TMEM272: variants seen among roughly 807,000 people sequenced by gnomAD.
TMEM272 encodes the protein transmembrane protein 272, also known as long intergenic non-protein coding RNA 282.
Under a neutral mutation model 3.7 loss-of-function variants are expected in TMEM272, and 8 were observed. That is an observed-to-expected ratio of 2.17 (90% CI 1.27 to 3.91). The LOEUF is 3.91. Ranked by LOEUF, TMEM272 falls within the 30% of genes most tolerant of loss-of-function variation. TMEM272 has a pLI of 0.00. For missense variants in TMEM272, 166 were observed against 91.5 expected, an observed-to-expected ratio of 1.81 and a Z score of -3.32; for synonymous variants, 63 against 39.8, an observed-to-expected ratio of 1.58 and a Z score of -2.20.
the TMEM272 span, among the ~76,000 whole-genome samples, chr13:51,928,081 C>A: frequency 0.033 from 5,009 of 152,146 alleles, 239 homozygotes; most frequent in African/African-American, 0.11. Flanking sequence ...CATGCAAAGA[C>A]CACCAAGAAC....
the TMEM272 span, among the ~76,000 whole-genome samples, chr13:51,861,146 A>G: frequency 6.6e-6 from 1 of 152,178 alleles, no homozygotes; most frequent in Non-Finnish European, 1.5e-5. Flanking sequence ...AATTAAAAAG[A>G]AGAAGTAAGA....
Position 51,813,457 on chromosome 13 carries a change from A to C in TMEM272, c.*3294T>G. 1 of 392,158 alleles carries C rather than the reference A, an allele frequency of 2.5e-6. No homozygotes were observed. The allele number at this position is 392,158 out of a possible 1,614,324, so 24.3% of individuals were successfully genotyped here. A position where few individuals can be genotyped will look rare whatever the true frequency, so the allele number is the denominator to read the frequency against. On this transcript the variant is annotated 3_prime_UTR_variant, in exon 5 of 5. Coordinates refer to ENST00000629372, the MANE Select transcript of TMEM272 (RefSeq NM_001351003.2). ...GCTATTGACCACTTGGCCACTTCTC[A>C]TACTAAAAGAGAAGGAAATAACACG...
intron 1 of TMEM272, among the ~76,000 whole-genome samples, chr13:51,840,240 A>G (rs1956250262): frequency 6.6e-6 from 1 of 152,102 alleles, no homozygotes; most frequent in South Asian, 2.1e-4. Flanking sequence ...AGGGGAAGAA[A>G]CCTGGAAAGG....
the TMEM272 span, among the ~76,000 whole-genome samples, chr13:51,921,916 GTGTGTGTA>G: frequency 3.3e-5 from 5 of 152,146 alleles, no homozygotes; most frequent in Non-Finnish European, 5.9e-5. Context: ...GTGTGCGTGT[GTGTGTGTA>G]TGTGTGTGTG....
chr13:51,873,881 T>G, the TMEM272 span, among the ~76,000 whole-genome samples: 63 of 152,038 alleles, frequency 4.1e-4, no homozygotes, highest in Non-Finnish European at 1.8e-4. Flanking sequence ...CTCAAAGGCT[T>G]TGTGGCTGCC....
chr13:51,921,663 G>A, the TMEM272 span: 1 of 152,402 alleles, frequency 6.6e-6, no homozygotes, highest in Non-Finnish European at 1.5e-5. Flanking sequence ...CAGGCCACAG[G>A]GGAAGCTCTG....
upstream of TMEM272, among the ~76,000 whole-genome samples, chr13:51,846,405 G>A (rs1420307957): frequency 6.6e-6 from 1 of 152,202 alleles, no homozygotes; most frequent in Non-Finnish European, 1.5e-5. Context: ...TGTTTGTGGT[G>A]ATGTTGGTGT....
At chr13:51,884,107 T>C in the TMEM272 span, among the ~76,000 whole-genome samples, 1 of 152,210 alleles carries the variant, frequency 6.6e-6, no homozygotes, top group Non-Finnish European at 1.5e-5. Flanking sequence ...CCAGTGTTCA[T>C]GTAGCATCAA....
the TMEM272 span, among the ~76,000 whole-genome samples, chr13:51,851,764 C>T: frequency 3.9e-5 from 6 of 152,226 alleles, no homozygotes; most frequent in Non-Finnish European, 1.5e-5. Context: ...ACCTTGTGAT[C>T]TGCCTGCCTC....
chr13:51,824,841 T>C lies in TMEM272; in HGVS notation c.118+1725A>G, dbSNP rs532132808. 7.2e-5 allele frequency among the ~76,000 whole-genome samples: 11 copies of C among 152,166 alleles called. No homozygotes were observed. In the East Asian group the frequency reaches 1.5e-3, roughly 21 times the overall value. ...GGTGGTGGGCGCCTGTAATCCCAGC[T>C]ACTAAGGAGGCTGAGGCACAAGAAT... On this transcript the variant is annotated intron_variant, in intron 3 of 4. Coordinates refer to ENST00000629372, the MANE Select transcript of TMEM272 (RefSeq NM_001351003.2).
At chr13:51,826,070 C>T (rs1274964623) in intron 3 of TMEM272, among the ~76,000 whole-genome samples, 1 of 150,838 alleles carries the variant, frequency 6.6e-6, no homozygotes, top group Non-Finnish European at 1.5e-5. Flanking sequence ...TTCGCTAGAC[C>T]TCACACTTCT....
chr13:51,826,617 C>G lies in TMEM272; in HGVS notation c.67G>C (p.Val23Leu). Residue 23 changes from valine to leucine, a missense_variant, in exon 3 of 5, where the codon GTT becomes CTT. Coordinates refer to ENST00000629372, the MANE Select transcript of TMEM272 (RefSeq NM_001351003.2). ...GCCAGGAAAGCACAGAGCACAACAA[C>G]GAAGCAGGCTGCAAGGAGAAGAAGG... is the stretch of plus-strand genomic sequence containing the variant. ...ISKIASNACFVVVLCAFLALP... is the reference protein window; with the variant it reads ...ISKIASNACFLVVLCAFLALP... 1 of 702,560 alleles carries G rather than the reference C, an allele frequency of 1.4e-6. No individual in the cohort carries two copies. The highest frequency in any genetic ancestry group is 2.6e-6 in the Non-Finnish European group (1 of 385,010). The allele number at this position is 702,560 out of a possible 1,614,324, so 43.5% of individuals were successfully genotyped here.
the TMEM272 span, among the ~76,000 whole-genome samples, chr13:51,925,227 T>C: frequency 2.0e-5 from 3 of 152,210 alleles, no homozygotes; most frequent in East Asian, 5.8e-4. Context: ...GAGTCCCATT[T>C]CATACCAAGC....
the TMEM272 span, among the ~76,000 whole-genome samples, chr13:51,903,801 C>T: frequency 6.6e-6 from 1 of 152,170 alleles, no homozygotes; most frequent in Non-Finnish European, 1.5e-5. Flanking sequence ...CTATCATAGC[C>T]ATAATGAGGC....
the TMEM272 span, among the ~76,000 whole-genome samples, chr13:51,871,855 C>T: frequency 6.8e-6 from 1 of 147,758 alleles, no homozygotes; most frequent in African/African-American, 2.5e-5. Flanking sequence ...AACAGAGACG[C>T]CCAGAGGCTT....
At chr13:51,930,926 T>A in the TMEM272 span, among the ~76,000 whole-genome samples, 1 of 152,184 alleles carries the variant, frequency 6.6e-6, no homozygotes, top group African/African-American at 2.4e-5. Context: ...AATTTGAGAA[T>A]CTATTTTCTA....
chr13:51,852,235 A>G, the TMEM272 span, among the ~76,000 whole-genome samples: 1 of 152,208 alleles, frequency 6.6e-6, no homozygotes. Context: ...GCATTTCTCT[A>G]ATTATAAGTA....
chr13:51,857,508 T>C, the TMEM272 span, among the ~76,000 whole-genome samples: 7 of 151,996 alleles, frequency 4.6e-5, no homozygotes, highest in Non-Finnish European at 8.8e-5. Context: ...GTAGAAGGGG[T>C]ATAAGTGGAG....
At chr13:51,860,511 C>T in the TMEM272 span, among the ~76,000 whole-genome samples, 6 of 151,654 alleles carry the variant, frequency 4.0e-5, no homozygotes, top group Admixed American at 6.6e-5. Context: ...TGGTGGCGCA[C>T]GCCTGTAGTC....
Sources: gnomAD v4.1 joint callset for allele counts (sites outside exome capture counted in the v4.1 genomes callset) on GRCh38, gnomAD v4.1.1 for gene constraint, MANE v1.5 for transcripts, NCBI Gene and HGNC (gene_info 2026-07-23, HGNC 2026-07-21) for gene names.